Variants in NTRK3 observed in about 807,000 individuals in gnomAD.
NTRK3 encodes NT-3 growth factor receptor.
A neutral mutation model predicts 91.7 loss-of-function variants in NTRK3; 24 were observed. The ratio of observed to expected loss-of-function variants is 0.26; its 90% CI spans 0.19 to 0.37. The LOEUF is 0.37. Ranked by LOEUF, NTRK3 falls within the 10% of genes least tolerant of loss-of-function variation. NTRK3 has a pLI of 1.00. For synonymous variants in NTRK3, 483 were observed against 404.0 expected (o/e 1.20, Z -2.34); for missense variants, 880 against 1,068.9 (o/e 0.82, Z 2.46).
At chr15:87,948,380 T>A (rs576933931) in intron 14 of NTRK3, among the ~76,000 whole-genome samples, 2 of 152,260 alleles carry the variant, frequency 1.3e-5, no homozygotes, top group South Asian at 4.1e-4. Flanking sequence ...TTTTTAGAGG[T>A]CTAGAATTTA....
chr15:88,084,410 TG>T (rs2048322599), intron 13 of NTRK3, among the ~76,000 whole-genome samples: 1 of 152,230 alleles, frequency 6.6e-6, no homozygotes, highest in African/African-American at 2.4e-5. Context: ...CACTTAGGCC[TG>T]CAGGCTGCAG....
chr15:87,899,007 A>T (rs2066296756), intron 17 of NTRK3, among the ~76,000 whole-genome samples: 1 of 152,102 alleles, frequency 6.6e-6, no homozygotes, highest in African/African-American at 2.4e-5. Flanking sequence ...TACTAACACC[A>T]TAACAACTCT....
At chr15:88,019,960 T>C (rs1401001703) in intron 14 of NTRK3, among the ~76,000 whole-genome samples, 1 of 152,194 alleles carries the variant, frequency 6.6e-6, no homozygotes, top group East Asian at 1.9e-4. Context: ...TACATTTGTG[T>C]CTGAAGATCC....
intron 17 of NTRK3, among the ~76,000 whole-genome samples, chr15:87,911,335 T>C (rs2067076929): frequency 6.6e-6 from 1 of 152,230 alleles, no homozygotes; most frequent in Non-Finnish European, 1.5e-5. Flanking sequence ...TTTGCACTTA[T>C]CTAAGCAATC....
intron 17 of NTRK3, chr15:87,916,310 A>G (rs74400676): frequency 2.5e-3 from 667 of 271,018 alleles, no homozygotes; most frequent in Non-Finnish European, 3.3e-3. Context: ...TGTCTCAGGA[A>G]AAAAAAAAAA....
chr15:88,202,030 A>C (rs1489217109), intron 3 of NTRK3, among the ~76,000 whole-genome samples: 1 of 152,134 alleles, frequency 6.6e-6, no homozygotes, highest in Non-Finnish European at 1.5e-5. Flanking sequence ...GACTACATCA[A>C]GGCCTAAATG....
At chr15:88,153,820 C>T (rs1237818098) in intron 5 of NTRK3, among the ~76,000 whole-genome samples, 2 of 151,954 alleles carry the variant, frequency 1.3e-5, no homozygotes, top group African/African-American at 4.8e-5. Context: ...TAATCTCATT[C>T]ATGAGGGCTC....
chr15:88,004,948 C>T (rs538065451), intron 14 of NTRK3, among the ~76,000 whole-genome samples: 1 of 152,222 alleles, frequency 6.6e-6, no homozygotes, highest in African/African-American at 2.4e-5. Flanking sequence ...ATTTCATCCT[C>T]CCAATGCCTA....
intron 3 of NTRK3, among the ~76,000 whole-genome samples, chr15:88,200,812 G>T (rs116746320): frequency 0.012 from 1,791 of 152,224 alleles, 48 homozygotes; most frequent in African/African-American, 0.041. Context: ...CTCCCTCCAA[G>T]CCTACTGGAA....
In NTRK3 at chr15:87,909,481, T is replaced by A. The variant is rs562700918; in HGVS notation, c.2133+19710A>T. ...TGTCCCTGTGCACAAACTCATAGGG[T>A]GAGGCTGAAAAGACCATCCAGTGAA... On this transcript the variant is annotated intron_variant, in intron 17 of 18. Coordinates refer to ENST00000394480, the Ensembl canonical transcript of NTRK3. Among the ~76,000 whole-genome samples the A allele has an allele frequency of 4.6e-5, 7 of 152,078 alleles. 1 individual carries two copies. The South Asian group carries it at 1.5e-3, about 32-fold the overall frequency.
rs893137499 is a variant in NTRK3, at chr15:88,218,943, C to T, written c.249-34644G>A. ...CTTCCTCCATTCCAGTGCCAAGGAC[C>T]GTCTGTACTGGAGGGGGCATGGCAT... On this transcript the variant is annotated intron_variant, in intron 3 of 18. Coordinates refer to ENST00000394480, the Ensembl canonical transcript of NTRK3. Among the ~76,000 whole-genome samples the T allele has an allele frequency of 3.3e-5, 5 of 152,208 alleles. 1 individual carries two copies. The highest frequency in any genetic ancestry group is 7.2e-5 in the African/African-American group (3 of 41,460).
chr15:88,120,972 T>TTTC (rs1207742486), intron 13 of NTRK3, among the ~76,000 whole-genome samples: 1 of 152,230 alleles, frequency 6.6e-6, no homozygotes, highest in African/African-American at 2.4e-5. Context: ...ATTATTCTGT[T>TTTC]TTCTTCATGG....
intron 14 of NTRK3, among the ~76,000 whole-genome samples, chr15:88,004,060 T>G (rs1366789642): frequency 6.6e-6 from 1 of 152,174 alleles, no homozygotes; most frequent in Non-Finnish European, 1.5e-5. Context: ...GGGGTACTTC[T>G]GTTTGCTGTG....
At chr15:87,880,031 G>C (rs574308944) in intron 18 of NTRK3, among the ~76,000 whole-genome samples, 1 of 152,156 alleles carries the variant, frequency 6.6e-6, no homozygotes, top group African/African-American at 2.4e-5. Flanking sequence ...TTTAACAGAG[G>C]CATGACTTGA....
At chr15:88,073,466 A>G (rs2047261968) in intron 13 of NTRK3, among the ~76,000 whole-genome samples, 1 of 152,156 alleles carries the variant, frequency 6.6e-6, no homozygotes, top group Non-Finnish European at 1.5e-5. Flanking sequence ...GGGTGTTGTC[A>G]CAAGCCTTTC....
At position 88,217,797 on chromosome 15, in the gene NTRK3, C is replaced by G. The variant is rs1305127627; in HGVS notation, c.249-33498G>C. Among the ~76,000 whole-genome samples, 9 of 140,652 alleles carry G rather than the reference C, an allele frequency of 6.4e-5. No individual in the cohort carries two copies. In the South Asian group the frequency reaches 1.8e-3, roughly 28 times the overall value. The allele number at this position is 140,652 out of a possible 152,430, so 92.3% of individuals were successfully genotyped here. A position where few individuals can be genotyped will look rare whatever the true frequency, so the allele number is the denominator to read the frequency against. ...TTTTTGAGGCGGAGTCTCACTCTGT[C>G]GCCCAGGCTGGAATGCAATGACACT... On this transcript the variant is annotated intron_variant, in intron 3 of 18. Coordinates refer to ENST00000394480, the Ensembl canonical transcript of NTRK3.
rs935583373 is a variant in NTRK3 at position 87,956,588 on chromosome 15, G to A, written c.1586-15835C>T. The stretch of plus-strand genomic sequence containing the variant: ...AATGCCCGGCCTTTTTTCTTTTTTT[G>A]AGATGGAGTCTTGCTGTGCTGCCCA... On this transcript the variant is annotated intron_variant, in intron 14 of 18. Transcript: ENST00000394480. Among the ~76,000 whole-genome samples the A allele has an allele frequency of 8.1e-5, 12 of 148,048 alleles. No homozygotes were observed. In the Admixed American group the frequency reaches 8.2e-4, roughly 10 times the overall value.
intron 3 of NTRK3, among the ~76,000 whole-genome samples, chr15:88,190,995 T>A (rs1363831444): frequency 6.6e-6 from 1 of 152,214 alleles, no homozygotes; most frequent in African/African-American, 2.4e-5. Context: ...TGCCCTTGTT[T>A]TCATATGACT....
chr15:87,893,735 T>C (rs2065961441), intron 17 of NTRK3, among the ~76,000 whole-genome samples: 1 of 152,184 alleles, frequency 6.6e-6, no homozygotes, highest in Admixed American at 6.5e-5. Flanking sequence ...AAAACATCTA[T>C]ACTCACACAA....
Sources: allele counts gnomAD v4.1 joint callset (sites outside exome capture counted in the v4.1 genomes callset), GRCh38; gene constraint gnomAD v4.1.1; transcripts MANE v1.5; gene names NCBI Gene and HGNC (gene_info 2026-07-23, HGNC 2026-07-21).